Variants in GPC5 observed in about 807,000 individuals in gnomAD.
The protein encoded by GPC5 is glypican 5, also known as glypican-5.
A neutral mutation model predicts 53.9 loss-of-function variants in GPC5; 47 were observed. That is an observed-to-expected ratio of 0.87 (90% CI 0.69 to 1.11). The LOEUF (loss-of-function observed/expected upper bound fraction) is 1.11. GPC5 is among the 50% of genes most tolerant of loss of function. The pLI is 0.00. For missense variants in GPC5, 748 were observed against 713.1 expected (o/e 1.05, Z -0.56); for synonymous variants, 286 against 263.3 (o/e 1.09, Z -0.84).
Position 92,715,959 on chromosome 13 carries a change from A to T in GPC5, c.1562-150323A>T, listed in dbSNP as rs573306939. 2.0e-4 allele frequency among the ~76,000 whole-genome samples: 31 copies of T among 152,282 alleles called. 1 individual carries two copies. The East Asian group carries it at 6.0e-3, about 29-fold the overall frequency. The stretch of plus-strand genomic sequence containing the variant: ...AACAGACTATATGCAAAACATGGTG[A>T]TTTTAACATGTAGTTTACTTATTAT... On this transcript the variant is annotated intron_variant, in intron 7 of 7. Coordinates refer to ENST00000377067, the MANE Select transcript of GPC5 (RefSeq NM_004466.6).
chr13:91,556,038 G>A (rs1355679055), intron 2 of GPC5, among the ~76,000 whole-genome samples: 3 of 150,578 alleles, frequency 2.0e-5, no homozygotes, highest in African/African-American at 7.4e-5. Flanking sequence ...ATCACCATGA[G>A]GATCCCTGGT....
At chr13:92,552,046 G>A (rs1413209206) in intron 7 of GPC5, among the ~76,000 whole-genome samples, 5 of 151,978 alleles carry the variant, frequency 3.3e-5, no homozygotes, top group African/African-American at 9.6e-5. Context: ...TCTCCAAAAA[G>A]CAAAATACTG....
At chr13:91,909,178 T>C (rs1594656847) in intron 6 of GPC5, among the ~76,000 whole-genome samples, 1 of 152,264 alleles carries the variant, frequency 6.6e-6, no homozygotes, top group East Asian at 1.9e-4. Flanking sequence ...CAAAATAAAT[T>C]CTATTGGAAA....
At chr13:91,902,503 A>G (rs2039507430) in intron 5 of GPC5, among the ~76,000 whole-genome samples, 1 of 152,054 alleles carries the variant, frequency 6.6e-6, no homozygotes, top group Admixed American at 6.6e-5. Flanking sequence ...TCTGCTTAGA[A>G]GAAAGAAGCA....
chr13:91,999,922 A>G (rs937539128), intron 6 of GPC5, among the ~76,000 whole-genome samples: 4 of 152,238 alleles, frequency 2.6e-5, no homozygotes, highest in African/African-American at 4.8e-5. Context: ...GATAAAGTCC[A>G]TGAATATATA....
Position 91,693,386 on chromosome 13 carries a change from C to T in GPC5, c.525C>T (p.Tyr175=). The change falls in exon 3 of 8, where the codon TAC becomes TAT. Residue 175 remains tyrosine, a synonymous_variant. Coordinates refer to ENST00000377067, the MANE Select transcript of GPC5 (RefSeq NM_004466.6). ...RFFDSLFPLV[Y]NHLINPGVTD... ...TTGACAGTCTTTTTCCTCTGGTCTA[C>T]AACCACCTCATTAACCCTGGTGTGA... is the stretch of plus-strand genomic sequence containing the variant. 2 of 1,614,110 alleles carry T rather than the reference C, an allele frequency of 1.2e-6. No homozygotes were observed. The highest frequency in any genetic ancestry group is 1.7e-6 in the Non-Finnish European group (2 of 1,180,016).
At chr13:91,958,412 G>A (rs1020239532) in intron 6 of GPC5, among the ~76,000 whole-genome samples, 1 of 152,010 alleles carries the variant, frequency 6.6e-6, no homozygotes, top group Non-Finnish European at 1.5e-5. Context: ...AAGGGAGGGA[G>A]ACTCCACTAC....
chr13:92,004,459 T>A (rs1164327728), intron 6 of GPC5, among the ~76,000 whole-genome samples: 9 of 17,606 alleles, frequency 5.1e-4, no homozygotes, highest in African/African-American at 8.5e-4. Flanking sequence ...AAAAAAAAAT[T>A]ATATATATAT....
chr13:91,406,652 C>T (rs1355002753), intron 1 of GPC5, among the ~76,000 whole-genome samples: 1 of 152,166 alleles, frequency 6.6e-6, no homozygotes, highest in Non-Finnish European at 1.5e-5. Context: ...AGACACTTCC[C>T]AATTTCTAGT....
chr13:92,613,081 C>T (rs1413153748), intron 7 of GPC5, among the ~76,000 whole-genome samples: 3 of 149,936 alleles, frequency 2.0e-5, no homozygotes, highest in South Asian at 2.1e-4. Flanking sequence ...CCTAAATGAT[C>T]GAGACTTTGA....
intron 7 of GPC5, among the ~76,000 whole-genome samples, chr13:92,729,983 G>A (rs748517399): frequency 6.6e-6 from 1 of 151,400 alleles, no homozygotes; most frequent in Non-Finnish European, 1.5e-5. Flanking sequence ...AGAGGGATTT[G>A]ATACTTAATG....
intron 7 of GPC5, among the ~76,000 whole-genome samples, chr13:92,538,153 C>T (rs1383716469): frequency 6.6e-6 from 1 of 152,038 alleles, no homozygotes; most frequent in Non-Finnish European, 1.5e-5. Flanking sequence ...TGAAATTTTC[C>T]AAACTAGTCT....
chr13:91,778,954 G>T (rs1366907755), intron 5 of GPC5, among the ~76,000 whole-genome samples: 1 of 152,156 alleles, frequency 6.6e-6, no homozygotes, highest in East Asian at 1.9e-4. Flanking sequence ...AATGCTGTAG[G>T]CAATTGTAAC....
intron 7 of GPC5, among the ~76,000 whole-genome samples, chr13:92,226,993 C>A (rs1014113437): frequency 4.6e-5 from 7 of 152,152 alleles, no homozygotes; most frequent in Admixed American, 1.3e-4. Flanking sequence ...TGGAAACCTA[C>A]AAGCAATAGA....
At chr13:91,675,609 G>A (rs972256975) in intron 2 of GPC5, among the ~76,000 whole-genome samples, 4 of 152,218 alleles carry the variant, frequency 2.6e-5, no homozygotes, top group Non-Finnish European at 5.9e-5. Flanking sequence ...TATTCACACA[G>A]TGGTATGAAA....
At chr13:91,554,076 C>A (rs1380678034) in intron 2 of GPC5, among the ~76,000 whole-genome samples, 1 of 151,986 alleles carries the variant, frequency 6.6e-6, no homozygotes, top group African/African-American at 2.4e-5. Context: ...CTTTTACCAC[C>A]ACTTTTTATC....
chr13:91,860,231 G>A (rs7995212), intron 5 of GPC5, among the ~76,000 whole-genome samples: 28,776 of 151,736 alleles, frequency 0.19, 3,036 homozygotes, highest in East Asian at 0.31. Flanking sequence ...TTCCTCTTAC[G>A]CTTCCCAGCC....
intron 2 of GPC5, among the ~76,000 whole-genome samples, chr13:91,616,794 GATTA>G (rs2033708201): frequency 6.6e-6 from 1 of 152,086 alleles, no homozygotes; most frequent in South Asian, 2.1e-4. Flanking sequence ...ATTATGATTG[GATTA>G]ATTTTGTCAC....
intron 7 of GPC5, among the ~76,000 whole-genome samples, chr13:92,480,638 C>T (rs1879312299): frequency 1.3e-5 from 2 of 151,952 alleles, no homozygotes; most frequent in Non-Finnish European, 2.9e-5. Flanking sequence ...TCCCAGGCCT[C>T]GTGTTTACAT....
Sources: gnomAD v4.1 joint callset for allele counts (sites outside exome capture counted in the v4.1 genomes callset) on GRCh38, gnomAD v4.1.1 for gene constraint, MANE v1.5 for transcripts, NCBI Gene and HGNC (gene_info 2026-07-23, HGNC 2026-07-21) for gene names.